IGHMBP2: variants seen among roughly 807,000 people sequenced by gnomAD.
IGHMBP2 encodes immunoglobulin mu DNA binding protein 2, also known as DNA-binding protein SMUBP-2.
A neutral mutation model predicts 96.0 loss-of-function variants in IGHMBP2; 81 were observed. The observed-to-expected ratio is 0.84, with a 90% confidence interval of 0.71 to 1.01. The LOEUF (loss-of-function observed/expected upper bound fraction) is 1.01, where lower values mean the gene tolerates loss of function less well. IGHMBP2 is among the 50% of genes least tolerant of loss of function. The pLI is 0.00. For missense variants in IGHMBP2, 1,227 were observed against 1,306.3 expected, an observed-to-expected ratio of 0.94 and a Z score of 0.94; for synonymous variants, 557 against 548.9, an observed-to-expected ratio of 1.01 and a Z score of -0.21.
chr11:68,912,438 T>G (rs1858476339), intron 5 of IGHMBP2, among the ~76,000 whole-genome samples: 1 of 152,090 alleles, frequency 6.6e-6, no homozygotes, highest in South Asian at 2.1e-4. Flanking sequence ...CCCAGTTACA[T>G]TTTTAATGGC....
intron 4 of IGHMBP2, among the ~76,000 whole-genome samples, chr11:68,909,182 G>C (rs1197601268): frequency 1.8e-5 from 2 of 112,990 alleles, no homozygotes; most frequent in South Asian, 3.9e-4. Flanking sequence ...TTGGCGGGGG[G>C]GGTGGAGGGG....
intron 7 of IGHMBP2, among the ~76,000 whole-genome samples, chr11:68,925,735 TCTTGGTTGA>T (rs1859040517): frequency 6.6e-6 from 1 of 152,226 alleles, no homozygotes; most frequent in Admixed American, 6.5e-5. Flanking sequence ...GGTATAGAAT[TCTTGGTTGA>T]CAGTCTTTCA....
intron 9 of IGHMBP2, 72 bp from the exon 10 acceptor site, chr11:68,933,723 C>T (rs990440434): frequency 1.7e-5 from 21 of 1,243,208 alleles, no homozygotes; most frequent in East Asian, 2.4e-5. Context: ...TGGGAGGGGT[C>T]GGTTCTGTTG....
rs374363750 is a variant in IGHMBP2 at position 68,933,411 on chromosome 11, C to T, written c.1348C>T (p.Arg450Cys). Residue 450 changes from arginine to cysteine, a missense_variant, in exon 9 of 15, where the codon CGC becomes TGC. Transcript: ENST00000255078. ...GTACCGCATGCACCAGGCTATCATGCGCTGGGCCTCAGACACCATGTACCT... is the reference window on the plus strand; with the variant it reads ...GTACCGCATGCACCAGGCTATCATGTGCTGGGCCTCAGACACCATGTACCT... ...VQYRMHQAIM[R>C]WASDTMYLGQ... 16 of 1,613,114 alleles carry T rather than the reference C, an allele frequency of 9.9e-6. No individual in the cohort carries two copies. Among genetic ancestry groups the T allele is most frequent in the South Asian group, 4.4e-5 (4 of 90,886 alleles).
chr11:68,915,263 T>C (rs1317481290), intron 6 of IGHMBP2, among the ~76,000 whole-genome samples: 1 of 134,624 alleles, frequency 7.4e-6, no homozygotes. Context: ...CACTGCAACC[T>C]CTGCCTCCTG....
At chr11:68,935,454 C>G (rs1859489302) in intron 12 of IGHMBP2, 32 bp downstream of exon 12, 3 of 1,613,184 alleles carry the variant, frequency 1.9e-6, no homozygotes, top group Middle Eastern at 1.6e-4. Flanking sequence ...CCTTTGGGGA[C>G]AGCACAGAAG....
At chr11:68,929,741 T>C (rs1189153417) in intron 8 of IGHMBP2, 1 of 985,354 alleles carries the variant, frequency 1.0e-6, no homozygotes, top group South Asian at 4.7e-5. Context: ...TAGTCTTCAA[T>C]CTGTAGACAC....
In IGHMBP2 at chr11:68,936,446, T is replaced by TC. The variant is rs1859531540; in HGVS notation, c.1969dup (p.Gln657ProfsTer49). On this transcript the variant is annotated frameshift_variant, in exon 13 of 15. Coordinates refer to ENST00000255078, the MANE Select transcript of IGHMBP2 (RefSeq NM_002180.3). LOFTEE classifies it high-confidence loss of function. ...CCCAGAAAACTATTCCCATGAGAAC[T>TC]CCCAGGGTTCCAGCCACGCTGCCAC... is the stretch of plus-strand genomic sequence containing the variant. 10 of 1,613,916 alleles carry TC rather than the reference T, an allele frequency of 6.2e-6. No individual in the cohort carries two copies. The highest frequency in any genetic ancestry group is 8.5e-6 in the Non-Finnish European group (10 of 1,179,998).
At chr11:68,915,166 C>CG in intron 6 of IGHMBP2, 143 bp downstream of exon 6, 1 of 203,782 alleles carries the variant, frequency 4.9e-6, no homozygotes, top group Non-Finnish European at 8.2e-6. Flanking sequence ...TTGGGCTGCC[C>CG]TTTTTTTTTT....
rs146336801 is a variant in IGHMBP2, at chr11:68,932,804, T to C, written c.1236-495T>C. On this transcript the variant is annotated intron_variant, in intron 8 of 14. Coordinates refer to ENST00000255078, the MANE Select transcript of IGHMBP2 (RefSeq NM_002180.3). ...GATGTCCAAAATCAGACTCACCGGCTTAAAATCAAGGTGTGGGTGGGGTTG... is the reference window on the plus strand; with the variant it reads ...GATGTCCAAAATCAGACTCACCGGCCTAAAATCAAGGTGTGGGTGGGGTTG... 5.8e-3 allele frequency: 967 copies of C among 167,962 alleles called. 10 individuals are homozygous for C. Among genetic ancestry groups the C allele is most frequent in the African/African-American group, 0.022 (925 of 42,038 alleles). 10.4% of individuals were successfully genotyped at this position (167,962 alleles called of 1,614,324 possible). A position where few individuals can be genotyped will look rare whatever the true frequency, so the allele number is the denominator to read the frequency against.
chr11:68,915,165 C>CTTTTTTTTT, intron 6 of IGHMBP2, 142 bp downstream of exon 6: 4 of 265,074 alleles, frequency 1.5e-5, no homozygotes, highest in South Asian at 8.0e-5. Context: ...ATTGGGCTGC[C>CTTTTTTTTT]CTTTTTTTTT....
intron 6 of IGHMBP2, 142 bp downstream of exon 6, chr11:68,915,165 C>CTTTT: frequency 1.1e-5 from 3 of 265,054 alleles, no homozygotes; most frequent in Non-Finnish European, 1.3e-5. Context: ...ATTGGGCTGC[C>CTTTT]CTTTTTTTTT....
At chr11:68,904,486 C>T (rs1188290052) in intron 1 of IGHMBP2, among the ~76,000 whole-genome samples, 1 of 152,156 alleles carries the variant, frequency 6.6e-6, no homozygotes, top group African/African-American at 2.4e-5. Context: ...CCCTCCAGTG[C>T]GTCCAGGGCC....
chr11:68,935,539 C>A, intron 12 of IGHMBP2, 117 bp downstream of exon 12: 1 of 1,278,592 alleles, frequency 7.8e-7, no homozygotes, highest in Non-Finnish European at 1.1e-6. Context: ...GCTCATGGTG[C>A]ACCTTCTGTC....
intron 3 of IGHMBP2, 46 bp downstream of exon 3, chr11:68,908,383 A>G: frequency 6.4e-7 from 1 of 1,568,094 alleles, no homozygotes; most frequent in Non-Finnish European, 8.8e-7. Context: ...TTCCTTCAAC[A>G]CAGCTAATCC....
chr11:68,906,672 C>T (rs184990948), intron 2 of IGHMBP2, among the ~76,000 whole-genome samples: 160 of 101,040 alleles, frequency 1.6e-3, no homozygotes, highest in African/African-American at 6.3e-3. Context: ...GACAGAGTTT[C>T]GCTCTTATTG....
chr11:68,904,803 C>CTTTTCTTTTTTTTTTTTT lies in IGHMBP2; in HGVS notation c.86+769_86+770insCTTTTTTTTTTTTTTTTT, dbSNP rs892709461. On this transcript the variant is annotated intron_variant, in intron 1 of 14. Coordinates refer to ENST00000255078, the MANE Select transcript of IGHMBP2 (RefSeq NM_002180.3). Reference sequence around the variant, plus strand: ...GTGTAAGTTTCTTTTTTTTCTTTTTCTTTTTTTTTTTTTTAGACAGAGTCT... The same window carrying CTTTTCTTTTTTTTTTTTT: ...GTGTAAGTTTCTTTTTTTTCTTTTTCTTTTCTTTTTTTTTTTTTTTTTTTTTTTTTTTAGACAGAGTCT... Among the ~76,000 whole-genome samples, 39 of 120,986 alleles carry CTTTTCTTTTTTTTTTTTT rather than the reference C, an allele frequency of 3.2e-4. 2 individuals are homozygous for CTTTTCTTTTTTTTTTTTT. Among genetic ancestry groups the CTTTTCTTTTTTTTTTTTT allele is most frequent in the Middle Eastern group, 0.011 (2 of 188 alleles). The allele number at this position is 120,986 out of a possible 152,430, so 79.4% of individuals were successfully genotyped here.
chr11:68,914,017 A>G (rs185960387), intron 5 of IGHMBP2, among the ~76,000 whole-genome samples: 18 of 152,322 alleles, frequency 1.2e-4, no homozygotes, highest in Non-Finnish European at 2.2e-4. Flanking sequence ...AGGGGTTTAT[A>G]TAACAGGGAA....
intron 2 of IGHMBP2, 150 bp from the exon 3 acceptor site, chr11:68,907,995 A>T (rs1374074209): frequency 2.7e-6 from 2 of 749,526 alleles, no homozygotes; most frequent in African/African-American, 2.2e-5. Context: ...GGCCTAACTT[A>T]CTTTCTTTTT....
Sources: gnomAD v4.1 joint callset for allele counts (sites outside exome capture counted in the v4.1 genomes callset) on GRCh38, gnomAD v4.1.1 for gene constraint, MANE v1.5 for transcripts, NCBI Gene and HGNC (gene_info 2026-07-23, HGNC 2026-07-21) for gene names.